The following SLC23A2 variants were observed in gnomAD, a reference collection of about 807,000 sequenced individuals.
SLC23A2 encodes solute carrier family 23 member 2, also known as Na(+)/L-ascorbic acid transporter 2.
A neutral mutation model predicts 73.3 loss-of-function variants in SLC23A2; 36 were observed. The ratio of observed to expected loss-of-function variants is 0.49; its 90% confidence interval spans 0.38 to 0.65. SLC23A2 has a LOEUF of 0.65. Ranked by LOEUF, SLC23A2 falls within the 30% of genes least tolerant of loss-of-function variation. SLC23A2 has a pLI of 0.00. For missense variants in SLC23A2, 507 were observed against 841.6 expected (o/e 0.60, Z 4.92); for synonymous variants, 343 against 327.3 (o/e 1.05, Z -0.52).
rs140634439 is a variant in SLC23A2, at chr20:4,852,810, C to T, written c.*4162G>A. The T allele has an allele frequency of 3.8e-3, 573 of 152,602 alleles. 3 individuals are homozygous for T. The highest frequency in any genetic ancestry group is 5.1e-3 in the Non-Finnish European group (346 of 68,032). 9.5% of individuals were successfully genotyped at this position (152,602 alleles called of 1,614,324 possible). Reference sequence around the variant, plus strand: ...AGGGTGTCCTAAGTGCCTGGAAACACGCACAGCAATGCTAAGGACATGGGA... The same window carrying T: ...AGGGTGTCCTAAGTGCCTGGAAACATGCACAGCAATGCTAAGGACATGGGA... On this transcript the variant is annotated 3_prime_UTR_variant, in exon 17 of 17. Coordinates refer to ENST00000338244, the MANE Select transcript of SLC23A2 (RefSeq NM_005116.6). The surrounding 1 kb of genome is among the most constrained non-coding windows in gnomAD (Gnocchi z 4.3).
chr20:4,906,584 C>T (rs1456125307), intron 4 of SLC23A2, among the ~76,000 whole-genome samples: 1 of 152,192 alleles, frequency 6.6e-6, no homozygotes, highest in Non-Finnish European at 1.5e-5. Flanking sequence ...CGTGCCACTG[C>T]ACTCCAGCCT....
intron 3 of SLC23A2, among the ~76,000 whole-genome samples, chr20:4,928,185 A>G (rs1932733391): frequency 2.0e-5 from 3 of 152,108 alleles, no homozygotes. Flanking sequence ...GACTACAGGC[A>G]TGCACCACCA....
chr20:4,938,030 C>A (rs2086986878), intron 2 of SLC23A2, among the ~76,000 whole-genome samples: 2 of 138,274 alleles, frequency 1.4e-5, no homozygotes, highest in Non-Finnish European at 3.1e-5. Context: ...CTCATTCCAT[C>A]TTTTTTTTTT....
Position 4,863,235 on chromosome 20 carries a change from C to T in SLC23A2, c.1357-328G>A, listed in dbSNP as rs537034869. 6.6e-6 allele frequency among the ~76,000 whole-genome samples: 1 copy of T among 152,278 alleles called. No homozygotes were observed. Among genetic ancestry groups the T allele is most frequent in the African/African-American group, 2.4e-5 (1 of 41,560 alleles). The stretch of plus-strand genomic sequence containing the variant: ...TTCCCGGCACCACATGTCACCAAGG[C>T]AATTTCCCCCAAAGTGCTTCAGCCT... On this transcript the variant is annotated intron_variant, in intron 13 of 16. Coordinates refer to ENST00000338244, the MANE Select transcript of SLC23A2 (RefSeq NM_005116.6). The surrounding 1 kb of genome is among the most constrained non-coding windows in gnomAD (Gnocchi z 4.8).
chr20:5,010,079 A>G (rs1490410277), intron 1 of SLC23A2: 1 of 142,146 alleles, frequency 7.0e-6, no homozygotes, highest in African/African-American at 2.6e-5. Flanking sequence ...TGGGCGACAG[A>G]GTGAGACTCC....
intron 2 of SLC23A2, among the ~76,000 whole-genome samples, chr20:4,935,186 CAAAAAA>C (rs34200051): frequency 2.9e-5 from 2 of 68,132 alleles, no homozygotes; most frequent in Non-Finnish European, 5.5e-5. Flanking sequence ...GACTCCGTCT[CAAAAAA>C]AAAAAAAAAA....
rs577009159 is a variant in SLC23A2 at position 4,955,796 on chromosome 20, AT to A, written c.-155+14996del. Among the ~76,000 whole-genome samples the A allele has an allele frequency of 6.1e-3, 911 of 149,884 alleles. 5 individuals carry two copies. Among genetic ancestry groups the A allele is most frequent in the Non-Finnish European group, 7.3e-3 (490 of 67,344 alleles). ...AATGTGAGATTCTGTCTGAAAAATA[AT>A]TTTTTTTTTTAAAAAAGTACTGTAT... On this transcript the variant is annotated intron_variant, in intron 2 of 16. Coordinates refer to ENST00000338244, the MANE Select transcript of SLC23A2 (RefSeq NM_005116.6).
At chr20:4,982,833 C>T (rs1375465672) in intron 1 of SLC23A2, among the ~76,000 whole-genome samples, 3 of 152,104 alleles carry the variant, frequency 2.0e-5, no homozygotes, top group African/African-American at 2.4e-5. Context: ...TGGCCAGGCA[C>T]GGTGGCTCAC....
In SLC23A2 at chr20:4,861,221, C is replaced by T. The variant is rs149323878; in HGVS notation, c.1624+727G>A. On this transcript the variant is annotated intron_variant, in intron 15 of 16. Coordinates refer to ENST00000338244, the MANE Select transcript of SLC23A2 (RefSeq NM_005116.6). ...GTGGCTGCCAGCGGGTGGGAGCAGGCGGTGATGGGGATTTACTGCTTAATG... is the reference window on the plus strand; with the variant it reads ...GTGGCTGCCAGCGGGTGGGAGCAGGTGGTGATGGGGATTTACTGCTTAATG... Among the ~76,000 whole-genome samples, 28 of 152,128 alleles carry T rather than the reference C, an allele frequency of 1.8e-4. No individual in the cohort carries two copies. In the East Asian group the frequency reaches 4.8e-3, roughly 26 times the overall value.
At chr20:4,994,160 C>T (rs1210380727) in intron 1 of SLC23A2, among the ~76,000 whole-genome samples, 1 of 152,174 alleles carries the variant, frequency 6.6e-6, no homozygotes, top group African/African-American at 2.4e-5. Flanking sequence ...AGCAGGATCA[C>T]CAAACTTTTT....
chr20:5,005,000 AAAATAAATAAATAAAT>A (rs11474342), upstream of SLC23A2, among the ~76,000 whole-genome samples: 1 of 143,346 alleles, frequency 7.0e-6, no homozygotes, highest in Non-Finnish European at 1.5e-5. Context: ...CTCCGTCTCA[AAAATAAATAAATAAAT>A]AAATAAATAA....
At position 4,857,336 on chromosome 20, in the gene SLC23A2, A is replaced by G; in HGVS notation, c.1721-132T>C. 1 of 524,922 alleles carries G rather than the reference A, an allele frequency of 1.9e-6. No individual in the cohort carries two copies. The highest frequency in any genetic ancestry group is 3.4e-5 in the Admixed American group (1 of 29,096). 32.5% of individuals were successfully genotyped at this position (524,922 alleles called of 1,614,324 possible). A position where few individuals can be genotyped will look rare whatever the true frequency, so the allele number is the denominator to read the frequency against. On this transcript the variant is annotated intron_variant, in intron 16 of 16. Coordinates refer to ENST00000338244, the MANE Select transcript of SLC23A2 (RefSeq NM_005116.6). The surrounding 1 kb of genome is among the most constrained non-coding windows in gnomAD (Gnocchi z 4.0). ...CACACACACACACACACACACACAC[A>G]TGGTCCCACAGATCAAACCTGCCTA... is the stretch of plus-strand genomic sequence containing the variant.
rs1328273308 is a variant in SLC23A2 at position 4,863,754 on chromosome 20, C to G, written c.1357-847G>C. On this transcript the variant is annotated intron_variant, in intron 13 of 16. Transcript: ENST00000338244. The surrounding 1 kb of genome is among the most constrained non-coding windows in gnomAD (Gnocchi z 4.8). The stretch of plus-strand genomic sequence containing the variant: ...ACCAGGCAGGCCTGGGCCTGTCTAC[C>G]TGGACACCCTTCCCTGTGGTTCCCT... 6.6e-6 allele frequency among the ~76,000 whole-genome samples: 1 copy of G among 152,190 alleles called. No individual in the cohort carries two copies. The highest frequency in any genetic ancestry group is 1.5e-5 in the Non-Finnish European group (1 of 68,032).
intron 13 of SLC23A2, among the ~76,000 whole-genome samples, chr20:4,866,880 C>T (rs543426077): frequency 7.9e-5 from 12 of 152,104 alleles, no homozygotes; most frequent in Admixed American, 7.2e-4. Context: ...ACCTGTGAGA[C>T]GTAGGCCATC....
intron 1 of SLC23A2, among the ~76,000 whole-genome samples, chr20:4,974,463 G>T (rs940083273): frequency 1.3e-5 from 2 of 151,342 alleles, no homozygotes; most frequent in African/African-American, 4.9e-5. Context: ...GCGAAACTCC[G>T]TCTCAAAAAA....
Position 4,859,281 on chromosome 20 carries a change from C to G in SLC23A2, c.1720+8G>C. ...AAAAAAAAAGTGTGTTTGATATATACCACGTACCTGGGATGGTGTTATCCA... is the reference window on the plus strand; with the variant it reads ...AAAAAAAAAGTGTGTTTGATATATAGCACGTACCTGGGATGGTGTTATCCA... On this transcript the variant is annotated splice_region_variant and intron_variant, in intron 16 of 16. Transcript: ENST00000338244. 6.6e-7 allele frequency: 1 copy of G among 1,517,498 alleles called. No homozygotes were observed. 94.0% of individuals were successfully genotyped at this position (1,517,498 alleles called of 1,614,324 possible).
intron 2 of SLC23A2, among the ~76,000 whole-genome samples, chr20:4,961,282 C>T (rs181151561): frequency 0.012 from 1,849 of 152,054 alleles, 37 homozygotes; most frequent in African/African-American, 0.04. Context: ...GGGGTTTCAC[C>T]TTGTTAGCCA....
chr20:4,999,556 ATTT>A (rs11475838), intron 1 of SLC23A2, among the ~76,000 whole-genome samples: 2 of 143,656 alleles, frequency 1.4e-5, no homozygotes. Flanking sequence ...ATACTCAGCT[ATTT>A]TTTTTTTTTT....
intron 1 of SLC23A2, among the ~76,000 whole-genome samples, chr20:5,007,422 T>C (rs1013776290): frequency 6.6e-6 from 1 of 152,072 alleles, no homozygotes; most frequent in South Asian, 2.1e-4. Flanking sequence ...TCCCGGCTAC[T>C]TGGGAGGCTG....
Sources: allele counts gnomAD v4.1 joint callset (sites outside exome capture counted in the v4.1 genomes callset), GRCh38; gene constraint gnomAD v4.1.1; non-coding constraint Gnocchi (gnomAD v3.1); transcripts MANE v1.5; gene names NCBI Gene and HGNC (gene_info 2026-07-23, HGNC 2026-07-21).